The following ASIC5 variants were observed in gnomAD, a reference collection of about 807,000 sequenced individuals.
ASIC5 encodes the protein bile acid-sensitive ion channel.
A neutral mutation model predicts 51.2 loss-of-function variants in ASIC5; 52 were observed. That is an observed-to-expected ratio of 1.02 (90% CI 0.81 to 1.28). The LOEUF is 1.28. Ranked by LOEUF, ASIC5 falls within the 50% of genes most tolerant of loss-of-function variation. ASIC5 has a pLI of 0.00. For missense variants in ASIC5, 635 were observed against 595.0 expected (o/e 1.07, Z -0.70); for synonymous variants, 231 against 200.7 (o/e 1.15, Z -1.28).
intron 4 of ASIC5, among the ~76,000 whole-genome samples, chr4:155,847,848 G>A (rs1033478036): frequency 1.8e-4 from 27 of 152,022 alleles, no homozygotes; most frequent in East Asian, 1.9e-4. Flanking sequence ...TGCAATGGGC[G>A]ATATTAAAAG....
intron 2 of ASIC5, among the ~76,000 whole-genome samples, chr4:155,862,896 A>G (rs1334530437): frequency 3.3e-5 from 5 of 152,184 alleles, no homozygotes; most frequent in African/African-American, 7.2e-5. Flanking sequence ...CCAGATTTCC[A>G]TAACACCCAA....
chr4:155,863,175 C>G (rs1044375233), intron 2 of ASIC5, among the ~76,000 whole-genome samples: 7 of 152,010 alleles, frequency 4.6e-5, no homozygotes, highest in African/African-American at 1.7e-4. Context: ...AAACCCCCAT[C>G]TCTTTTACAT....
At chr4:155,850,865 A>G (rs191214906) in intron 4 of ASIC5, among the ~76,000 whole-genome samples, 1 of 152,166 alleles carries the variant, frequency 6.6e-6, no homozygotes, top group East Asian at 1.9e-4. Context: ...GAAATTTAAG[A>G]GTAAACTTCT....
At chr4:155,835,523 T>C (rs1391025793) in intron 8 of ASIC5, among the ~76,000 whole-genome samples, 1 of 152,172 alleles carries the variant, frequency 6.6e-6, no homozygotes, top group African/African-American at 2.4e-5. Flanking sequence ...CTACTTTCTC[T>C]GTATATTAAG....
At chr4:155,847,966 C>A (rs1741295540) in intron 4 of ASIC5, among the ~76,000 whole-genome samples, 1 of 151,988 alleles carries the variant, frequency 6.6e-6, no homozygotes, top group African/African-American at 2.4e-5. Context: ...TTTCTTGAAG[C>A]ATTAACTAAC....
At chr4:155,833,652 T>C (rs1049118372) in intron 8 of ASIC5, among the ~76,000 whole-genome samples, 2 of 152,210 alleles carry the variant, frequency 1.3e-5, no homozygotes, top group African/African-American at 4.8e-5. Context: ...CCCATTGTGC[T>C]CCTAATTTGC....
chr4:155,837,742 C>CA (rs1347205410), intron 7 of ASIC5, among the ~76,000 whole-genome samples: 1 of 151,976 alleles, frequency 6.6e-6, no homozygotes, highest in Non-Finnish European at 1.5e-5. Flanking sequence ...CTCCTACACT[C>CA]ACATGCACTC....
At chr4:155,863,135 G>T (rs534273273) in intron 2 of ASIC5, among the ~76,000 whole-genome samples, 2 of 152,214 alleles carry the variant, frequency 1.3e-5, no homozygotes, top group African/African-American at 4.8e-5. Context: ...TTCAGCCTAG[G>T]AGTTTGAGAA....
intron 8 of ASIC5, among the ~76,000 whole-genome samples, chr4:155,832,577 A>C (rs150115003): frequency 6.6e-6 from 1 of 152,284 alleles, no homozygotes; most frequent in Non-Finnish European, 1.5e-5. Context: ...TCACCAGCCT[A>C]GACCCCTACC....
chr4:155,845,304 A>G (rs10023283), intron 4 of ASIC5, among the ~76,000 whole-genome samples: 10,852 of 150,640 alleles, frequency 0.072, 1,014 homozygotes, highest in African/African-American at 0.22. Flanking sequence ...GTGTGTGTGT[A>G]TGTGTGCATG....
intron 3 of ASIC5, among the ~76,000 whole-genome samples, chr4:155,853,417 C>A (rs2111256473): frequency 6.6e-6 from 1 of 151,790 alleles, no homozygotes; most frequent in Non-Finnish European, 1.5e-5. Context: ...ATCAAATTGC[C>A]TGTATAGTTC....
chr4:155,854,372 G>T, intron 2 of ASIC5, 58 bp from the exon 3 acceptor site: 2 of 1,153,268 alleles, frequency 1.7e-6, no homozygotes, highest in Non-Finnish European at 2.6e-6. Context: ...TTATCTGGAA[G>T]ACAGATACCA....
chr4:155,864,774 A>G (rs1271672321), intron 1 of ASIC5: 1 of 152,184 alleles, frequency 6.6e-6, no homozygotes. Flanking sequence ...ACTCAAGGGT[A>G]TTAGCTATTT....
Position 155,852,277 on chromosome 4 carries a change from TA to T in ASIC5, c.624del (p.Phe208LeufsTer15). 1.3e-6 allele frequency: 2 copies of T among 1,596,732 alleles called. No individual in the cohort carries two copies. Among genetic ancestry groups the T allele is most frequent in the Non-Finnish European group, 1.7e-6 (2 of 1,174,294 alleles). ...TGGAGAGTTTCACCATGATTAAAAGTAAAACAATTTCCATATTCAGTGAAGA... is the reference window on the plus strand; with the variant it reads ...TGGAGAGTTTCACCATGATTAAAAGTAAACAATTTCCATATTCAGTGAAGA... ...AHVFTEYGNC[F>X]TFNHGETLQA... On this transcript the variant is annotated frameshift_variant, in exon 4 of 10. Transcript: ENST00000537611. LOFTEE classifies it high-confidence loss of function.
chr4:155,863,660 A>T lies in ASIC5; in HGVS notation c.135T>A (p.Thr45=). The T allele has an allele frequency of 6.2e-7, 1 of 1,613,960 alleles. No individual in the cohort carries two copies. The highest frequency in any genetic ancestry group is 1.1e-5 in the South Asian group (1 of 91,074). The change falls in exon 2 of 10, where the codon ACT becomes ACA. Residue 45 remains threonine, a synonymous_variant. Transcript: ENST00000537611. ...KKFDHDFAIS[T]SFHGIHNIVQ... is the part of the protein sequence containing the mutation. ...CAATATTGTGTATCCCATGAAAGGAAGTGGAGATGGCAAAGTCATGGTCAA... is the reference window on the plus strand; with the variant it reads ...CAATATTGTGTATCCCATGAAAGGATGTGGAGATGGCAAAGTCATGGTCAA...
At chr4:155,837,783 G>A (rs2045596) in intron 7 of ASIC5, among the ~76,000 whole-genome samples, 150,368 of 152,176 alleles carry the variant, frequency 0.99, 74,300 homozygotes, top group East Asian at 1. Flanking sequence ...AGGCTCACAT[G>A]CACATACTCT....
intron 7 of ASIC5, among the ~76,000 whole-genome samples, chr4:155,838,448 G>C (rs1363289197): frequency 6.6e-6 from 1 of 152,174 alleles, no homozygotes; most frequent in Non-Finnish European, 1.5e-5. Context: ...CCCAATCAGT[G>C]AGAGGAGTTC....
At chr4:155,859,180 C>T (rs2110759436) in intron 2 of ASIC5, among the ~76,000 whole-genome samples, 1 of 151,982 alleles carries the variant, frequency 6.6e-6, no homozygotes, top group East Asian at 1.9e-4. Context: ...GTTGGGGGTC[C>T]TGAGATTTTA....
intron 4 of ASIC5, among the ~76,000 whole-genome samples, chr4:155,851,598 A>C (rs985957419): frequency 1.3e-5 from 2 of 152,034 alleles, no homozygotes; most frequent in African/African-American, 4.8e-5. Context: ...GGTGGGAGCT[A>C]TACTAGGAAC....
Sources: gnomAD v4.1 joint callset for allele counts (sites outside exome capture counted in the v4.1 genomes callset) on GRCh38, gnomAD v4.1.1 for gene constraint, MANE v1.5 for transcripts, NCBI Gene and HGNC (gene_info 2026-07-23, HGNC 2026-07-21) for gene names.